The following SLC6A2 variants were observed in gnomAD, a reference collection of about 807,000 sequenced individuals.
The protein encoded by SLC6A2 is solute carrier family 6 member 2, also known as sodium-dependent noradrenaline transporter.
In SLC6A2, 26 loss-of-function variants were observed where a neutral mutation model predicts 71.7. That is an observed-to-expected ratio of 0.36 (90% CI 0.27 to 0.50). SLC6A2 has a LOEUF of 0.50. Among genes scored for constraint, SLC6A2 ranks in the 20% least tolerant of loss-of-function variants. SLC6A2 has a pLI of 0.96. For synonymous variants in SLC6A2, 363 were observed against 337.9 expected (o/e 1.07, Z -0.82); for missense variants, 581 against 803.9 (o/e 0.72, Z 3.35).
intron 7 of SLC6A2, among the ~76,000 whole-genome samples, chr16:55,695,038 G>T (rs1965751512): frequency 6.6e-6 from 1 of 152,168 alleles, no homozygotes; most frequent in Admixed American, 6.5e-5. Context: ...GAAGGAAGCT[G>T]GTGACTCAAT....
Position 55,700,227 on chromosome 16 carries a change from G to A in SLC6A2, c.1679G>A (p.Gly560Asp), listed in dbSNP as rs758328228. ...CCCTGGGCCAACTGGGTGGGGTGGG[G>A]CATCGCCCTGTCCTCCATGGTCCTG... ...FPPWANWVGW[G>D]IALSSMVLVP... Residue 560 changes from glycine (G) to aspartate (D), a missense_variant, in exon 13 of 15, where the codon GGC (glycine) becomes GAC (aspartate). Transcript: ENST00000568943. 37 of 1,613,898 alleles carry A rather than the reference G, an allele frequency of 2.3e-5. No homozygotes were observed. Among genetic ancestry groups the A allele is most frequent in the South Asian group, 3.3e-5 (3 of 91,078 alleles).
chr16:55,694,150 C>T (rs758328298), intron 7 of SLC6A2, 37 bp downstream of exon 7: 1 of 1,384,668 alleles, frequency 7.2e-7, no homozygotes, highest in Non-Finnish European at 1.0e-6. Flanking sequence ...AGCTCTAAAT[C>T]CTGGGGATTG....
At chr16:55,658,250 G>A (rs1006596706) in intron 2 of SLC6A2, among the ~76,000 whole-genome samples, 23 of 152,270 alleles carry the variant, frequency 1.5e-4, no homozygotes, top group East Asian at 3.9e-4. Flanking sequence ...GGTGGCTCAT[G>A]CCTATAATCC....
chr16:55,688,299 T>C (rs1965518148), intron 5 of SLC6A2, among the ~76,000 whole-genome samples: 1 of 152,174 alleles, frequency 6.6e-6, no homozygotes, highest in Non-Finnish European at 1.5e-5. Context: ...CAAGTGAAGG[T>C]TGTGCTGGTC....
Position 55,703,768 on chromosome 16 carries a change from G to T in SLC6A2, c.*1422G>T, listed in dbSNP as rs886052143. On this transcript the variant is annotated 3_prime_UTR_variant, in exon 15 of 15. Transcript: ENST00000568943. ...CGGGATCTTGGGAAAAAATAAAGAA[G>T]CCGCTGCATTCGCACGTCAAGAAGG... 60 of 985,242 alleles carry T rather than the reference G, an allele frequency of 6.1e-5. No individual in the cohort carries two copies. Among genetic ancestry groups the T allele is most frequent in the African/African-American group, 2.1e-4 (12 of 57,214 alleles). The allele number at this position is 985,242 out of a possible 1,614,324, so 61.0% of individuals were successfully genotyped here. A position where few individuals can be genotyped will look rare whatever the true frequency, so the allele number is the denominator to read the frequency against.
intron 4 of SLC6A2, among the ~76,000 whole-genome samples, chr16:55,674,795 T>C (rs1965033183): frequency 6.6e-6 from 1 of 152,184 alleles, no homozygotes; most frequent in South Asian, 2.1e-4. Flanking sequence ...CTATTTTGAG[T>C]AGGGCTGCAA....
In SLC6A2 at chr16:55,656,853, G is replaced by A. The variant is rs750613505; in HGVS notation, c.159G>A (p.Ala53=). Residue 53 remains alanine (A), a synonymous_variant, in exon 2 of 15, where the codon GCG becomes GCA. Coordinates refer to ENST00000568943, the MANE Select transcript of SLC6A2 (RefSeq NM_001172501.3). This position sits in a 1 kb window ranked among gnomAD's most constrained non-coding sequence, Gnocchi z 4.5. The part of the protein sequence containing the change: ...QCLLAPRDGD[A]QPRETWGKKI... Reference sequence around the variant, plus strand: ...TGCTGGCGCCCCGCGACGGCGACGCGCAGCCCCGGGAGACCTGGGGCAAGA... The same window carrying A: ...TGCTGGCGCCCCGCGACGGCGACGCACAGCCCCGGGAGACCTGGGGCAAGA... 3 of 1,613,794 alleles carry A rather than the reference G, an allele frequency of 1.9e-6. No homozygotes were observed. The highest frequency in any genetic ancestry group is 1.3e-5 in the African/African-American group (1 of 75,066).
intron 2 of SLC6A2, among the ~76,000 whole-genome samples, chr16:55,657,711 G>A (rs1964497892): frequency 6.6e-6 from 1 of 152,120 alleles, no homozygotes; most frequent in South Asian, 2.1e-4. Context: ...TGGGAGAGGG[G>A]CCTGAAGAAG....
chr16:55,669,852 G>A (rs1376528772), intron 3 of SLC6A2, among the ~76,000 whole-genome samples, 156 bp downstream of exon 3: 1 of 152,196 alleles, frequency 6.6e-6, no homozygotes. Flanking sequence ...TCCAAGTTAC[G>A]TGGAGAGCAT....
At chr16:55,673,792 C>T (rs1268729646) in intron 4 of SLC6A2, among the ~76,000 whole-genome samples, 1 of 152,164 alleles carries the variant, frequency 6.6e-6, no homozygotes, top group Admixed American at 6.5e-5. Context: ...AAACTCCTGG[C>T]CTCAGGTGAT....
Position 55,704,561 on chromosome 16 carries a change from T to C in SLC6A2, c.*2215T>C, listed in dbSNP as rs1403715362. ...TAGCTGGTTTCCAGAGAGGAAATTA[T>C]TTAGCTGCTCTCTTTTGATGAAAAT... On this transcript the variant is annotated 3_prime_UTR_variant, in exon 15 of 15. Transcript: ENST00000568943. 2 of 152,250 alleles carry C rather than the reference T, an allele frequency of 1.3e-5. No homozygotes were observed. Among genetic ancestry groups the C allele is most frequent in the Non-Finnish European group, 1.5e-5 (1 of 68,042 alleles). The allele number at this position is 152,250 out of a possible 1,614,324, so 9.4% of individuals were successfully genotyped here.
intron 2 of SLC6A2, among the ~76,000 whole-genome samples, chr16:55,662,736 A>G (rs1369085692): frequency 1.3e-5 from 2 of 152,238 alleles, no homozygotes; most frequent in African/African-American, 2.4e-5. Context: ...GCCCGGCGCC[A>G]GTTTCCCTGA....
At chr16:55,674,982 A>T (rs1485960064) in intron 4 of SLC6A2, among the ~76,000 whole-genome samples, 1 of 152,162 alleles carries the variant, frequency 6.6e-6, no homozygotes, top group Non-Finnish European at 1.5e-5. Context: ...GTGTATAAGC[A>T]TTCCCTTTTC....
intron 4 of SLC6A2, among the ~76,000 whole-genome samples, chr16:55,678,935 A>G (rs775061759): frequency 5.9e-5 from 9 of 152,196 alleles, no homozygotes; most frequent in Non-Finnish European, 1.0e-4. Flanking sequence ...AGATCTTTTC[A>G]CTGATGAAAT....
At chr16:55,692,374 C>G (rs1285836171) in intron 6 of SLC6A2, among the ~76,000 whole-genome samples, 1 of 152,188 alleles carries the variant, frequency 6.6e-6, no homozygotes, top group Admixed American at 6.5e-5. Context: ...CCTGTGCCCA[C>G]AGCTCCCTAG....
At chr16:55,698,169 A>C in intron 10 of SLC6A2, 144 bp downstream of exon 10, 1 of 898,538 alleles carries the variant, frequency 1.1e-6, no homozygotes, top group Non-Finnish European at 1.8e-6. Flanking sequence ...GGCCTGACCC[A>C]CTAGGGTTAG....
At position 55,699,169 on chromosome 16, in the gene SLC6A2, C is replaced by T. The variant is rs115307250; in HGVS notation, c.1490-385C>T. Among the ~76,000 whole-genome samples the T allele has an allele frequency of 3.6e-3, 552 of 152,328 alleles. 2 individuals carry two copies. The highest frequency in any genetic ancestry group is 0.012 in the African/African-American group (517 of 41,572). ...AAGAGATTCAATGGAAGAGTCTGGG[C>T]TCTCCTATCAGATTGAAGTCAGGGA... On this transcript the variant is annotated intron_variant, in intron 11 of 14. Transcript: ENST00000568943.
rs866310282 is a variant in SLC6A2, at chr16:55,705,286, A to G, written c.*2940A>G. 1.3e-5 allele frequency: 20 copies of G among 1,530,396 alleles called. No homozygotes were observed. The African/African-American group carries it at 2.3e-4, about 18-fold the overall frequency. 94.8% of individuals were successfully genotyped at this position (1,530,396 alleles called of 1,614,324 possible). On this transcript the variant is annotated 3_prime_UTR_variant, in exon 15 of 15. Coordinates refer to ENST00000568943, the MANE Select transcript of SLC6A2 (RefSeq NM_001172501.3). ...ATATCCTGCTGAACAGAAATCCCTG[A>G]AGCTGCCTTAATTCTCAAAAGGAGT...
intron 2 of SLC6A2, among the ~76,000 whole-genome samples, chr16:55,664,998 T>C (rs1301305782): frequency 6.6e-6 from 1 of 152,062 alleles, no homozygotes; most frequent in Non-Finnish European, 1.5e-5. Flanking sequence ...GGTTCCCTCT[T>C]TTGTGGTGTG....
Sources: allele counts gnomAD v4.1 joint callset (sites outside exome capture counted in the v4.1 genomes callset), GRCh38; gene constraint gnomAD v4.1.1; non-coding constraint Gnocchi (gnomAD v3.1); transcripts MANE v1.5; gene names NCBI Gene and HGNC (gene_info 2026-07-23, HGNC 2026-07-21).